The following GRHL2 variants were observed in gnomAD, a reference collection of about 807,000 sequenced individuals.
GRHL2 encodes grainyhead like transcription factor 2, also known as grainyhead-like protein 2 homolog.
A neutral mutation model predicts 83.8 loss-of-function variants in GRHL2; 21 were observed. The ratio of observed to expected loss-of-function variants is 0.25; its 90% CI spans 0.18 to 0.36. GRHL2 has a LOEUF of 0.36. Ranked by LOEUF, GRHL2 falls within the 10% of genes least tolerant of loss-of-function variation. The pLI is 1.00. For missense variants in GRHL2, 623 were observed against 781.8 expected (o/e 0.80, Z 2.42); for synonymous variants, 280 against 278.9 (o/e 1.00, Z -0.04).
At chr8:101,518,879 G>C (rs888867002) in intron 1 of GRHL2, among the ~76,000 whole-genome samples, 1 of 152,166 alleles carries the variant, frequency 6.6e-6, no homozygotes, top group Non-Finnish European at 1.5e-5. Context: ...AGCACTCTAC[G>C]TAATTTGTTG....
intron 3 of GRHL2, among the ~76,000 whole-genome samples, chr8:101,556,487 A>C (rs987386282): frequency 9.9e-5 from 15 of 152,230 alleles, no homozygotes; most frequent in Admixed American, 5.2e-4. Flanking sequence ...TTTGCTGTCA[A>C]CAATAATTTT....
At chr8:101,577,753 T>C (rs948806769) in intron 7 of GRHL2, among the ~76,000 whole-genome samples, 3 of 152,228 alleles carry the variant, frequency 2.0e-5, no homozygotes, top group Non-Finnish European at 4.4e-5. Context: ...CATAAAATCA[T>C]AGTCATATAG....
At chr8:101,608,735 TCACACACACA>T (rs72332231) in intron 8 of GRHL2, among the ~76,000 whole-genome samples, 33,054 of 144,674 alleles carry the variant, frequency 0.23, 4,389 homozygotes, top group South Asian at 0.34. Flanking sequence ...GCTCACTCTC[TCACACACACA>T]CACACACACA....
intron 1 of GRHL2, among the ~76,000 whole-genome samples, chr8:101,519,253 C>A (rs538193045): frequency 6.6e-6 from 1 of 151,886 alleles, no homozygotes; most frequent in East Asian, 1.9e-4. Flanking sequence ...GAACTCCTGG[C>A]CTCAAGTAAT....
intron 2 of GRHL2, among the ~76,000 whole-genome samples, chr8:101,545,648 A>G (rs1256777088): frequency 6.6e-6 from 1 of 151,908 alleles, no homozygotes; most frequent in Non-Finnish European, 1.5e-5. Flanking sequence ...ATAGTTGGGA[A>G]GCACAGAACT....
At chr8:101,637,961 C>T (rs537162528) in intron 12 of GRHL2, among the ~76,000 whole-genome samples, 1 of 152,274 alleles carries the variant, frequency 6.6e-6, no homozygotes, top group South Asian at 2.1e-4. Flanking sequence ...TGTTAGTAGT[C>T]TCCTTAAAAT....
At chr8:101,639,919 A>T (rs1813365417) in intron 12 of GRHL2, among the ~76,000 whole-genome samples, 1 of 152,240 alleles carries the variant, frequency 6.6e-6, no homozygotes, top group Non-Finnish European at 1.5e-5. Context: ...TATGCAAATG[A>T]GTGCTTAAAA....
At chr8:101,647,240 C>G in intron 13 of GRHL2, among the ~76,000 whole-genome samples, 1 of 152,288 alleles carries the variant, frequency 6.6e-6, no homozygotes, top group Non-Finnish European at 1.5e-5. Flanking sequence ...TGGCACATGC[C>G]TGTAATCTCA....
chr8:101,567,968 G>T (rs1292313348), intron 4 of GRHL2, among the ~76,000 whole-genome samples: 2 of 152,148 alleles, frequency 1.3e-5, no homozygotes, highest in Non-Finnish European at 2.9e-5. Context: ...AAATGCATCT[G>T]TGTCTCCAAT....
intron 14 of GRHL2, among the ~76,000 whole-genome samples, chr8:101,659,058 A>T (rs566200206): frequency 6.6e-6 from 1 of 152,360 alleles, no homozygotes; most frequent in South Asian, 2.1e-4. Flanking sequence ...GAAACTGGTT[A>T]TATTGATATT....
chr8:101,661,140 A>G (rs1264351464), intron 14 of GRHL2, among the ~76,000 whole-genome samples: 1 of 151,642 alleles, frequency 6.6e-6, no homozygotes, highest in African/African-American at 2.4e-5. Context: ...TTTTTTTGCA[A>G]TTTTTTTAAA....
intron 9 of GRHL2, among the ~76,000 whole-genome samples, chr8:101,629,801 G>A (rs1437949043): frequency 6.6e-6 from 1 of 152,062 alleles, no homozygotes; most frequent in African/African-American, 2.4e-5. Context: ...TCCAATTGAA[G>A]ATCGTATCTG....
chr8:101,492,883 T>C (rs1158183256), intron 1 of GRHL2, 94 bp downstream of exon 1: 3 of 1,150,450 alleles, frequency 2.6e-6, no homozygotes, highest in Non-Finnish European at 2.6e-6. Context: ...GTTGCTATTG[T>C]TGGTATTTTT....
chr8:101,670,174 C>A, downstream of GRHL2, among the ~76,000 whole-genome samples: 1 of 152,220 alleles, frequency 6.6e-6, no homozygotes, highest in Non-Finnish European at 1.5e-5. Context: ...AACCCACAGG[C>A]TCCCTAAGAT....
At chr8:101,527,240 G>A (rs812890) in intron 1 of GRHL2, among the ~76,000 whole-genome samples, 1,585 of 152,240 alleles carry the variant, frequency 0.01, 10 homozygotes, top group Non-Finnish European at 0.018. Flanking sequence ...CCTAGTAATT[G>A]TTACCCTTGA....
intron 7 of GRHL2, among the ~76,000 whole-genome samples, chr8:101,586,307 G>T (rs894233344): frequency 1.3e-5 from 2 of 151,980 alleles, no homozygotes; most frequent in Non-Finnish European, 2.9e-5. Flanking sequence ...AACATAATCT[G>T]TCTTTTATTA....
chr8:101,519,750 A>G (rs1810645536), intron 1 of GRHL2, among the ~76,000 whole-genome samples: 1 of 152,176 alleles, frequency 6.6e-6, no homozygotes, highest in Non-Finnish European at 1.5e-5. Context: ...ATATGAAGAT[A>G]TATGTATATG....
intron 14 of GRHL2, among the ~76,000 whole-genome samples, chr8:101,651,193 C>T (rs1196811770): frequency 6.6e-6 from 1 of 152,160 alleles, no homozygotes; most frequent in African/African-American, 2.4e-5. Context: ...ATATTCAGAC[C>T]TCTCTGGACA....
At chr8:101,679,622 G>A in the GRHL2 span, among the ~76,000 whole-genome samples, 7 of 151,302 alleles carry the variant, frequency 4.6e-5, no homozygotes, top group East Asian at 1.9e-4. Flanking sequence ...ACACATAATT[G>A]TCAGATTCAC....
Sources: allele counts gnomAD v4.1 joint callset (sites outside exome capture counted in the v4.1 genomes callset), GRCh38; gene constraint gnomAD v4.1.1; transcripts MANE v1.5; gene names NCBI Gene and HGNC (gene_info 2026-07-23, HGNC 2026-07-21).